The following PKHD1 variants were observed in gnomAD, a reference collection of about 807,000 sequenced individuals.
PKHD1 encodes the protein fibrocystin.
PKHD1 carries 291 observed loss-of-function variants against 412.0 expected under a neutral mutation model. That is an observed-to-expected ratio of 0.71 (90% CI 0.64 to 0.78). PKHD1 has a LOEUF of 0.78. Among genes scored for constraint, PKHD1 ranks in the 30% least tolerant of loss-of-function variants. The pLI is 0.00. For missense variants in PKHD1, 4,825 were observed against 4,950.7 expected (o/e 0.97, Z 0.76); for synonymous variants, 1,777 against 1,821.5 (o/e 0.98, Z 0.62).
At chr6:52,058,699 T>C (rs1808188179) in intron 15 of PKHD1, 98 bp from the exon 16 acceptor site, 3 of 1,273,128 alleles carry the variant, frequency 2.4e-6, no homozygotes, top group Admixed American at 1.7e-5. Flanking sequence ...CAAGAGAGTT[T>C]TGAACTGGTC....
chr6:51,895,924 C>T (rs574427706), intron 43 of PKHD1, among the ~76,000 whole-genome samples: 2 of 152,014 alleles, frequency 1.3e-5, no homozygotes, highest in Non-Finnish European at 2.9e-5. Context: ...CCTGGAAAAT[C>T]GGGTCACTCC....
chr6:51,838,989 C>G lies in PKHD1; in HGVS notation c.8108-2520G>C, dbSNP rs140677678. Among the ~76,000 whole-genome samples the G allele has an allele frequency of 2.5e-3, 376 of 152,306 alleles. 1 individual carries two copies. The highest frequency in any genetic ancestry group is 8.6e-3 in the African/African-American group (356 of 41,582). On this transcript the variant is annotated intron_variant, in intron 50 of 66. Transcript: ENST00000371117. Reference sequence around the variant, plus strand: ...ATCAATACTGTCATTATGGCATGTTCATGATTCCAGGTGCCAGTCAACAAG... The same window carrying G: ...ATCAATACTGTCATTATGGCATGTTGATGATTCCAGGTGCCAGTCAACAAG...
intron 55 of PKHD1, among the ~76,000 whole-genome samples, chr6:51,772,347 TATCTTA>T (rs1790286800): frequency 6.6e-6 from 1 of 152,012 alleles, no homozygotes; most frequent in Non-Finnish European, 1.5e-5. Context: ...TTTCTGTCTA[TATCTTA>T]ATGAGGTACC....
At chr6:51,670,436 T>G (rs1214653930) in intron 60 of PKHD1, among the ~76,000 whole-genome samples, 3 of 151,690 alleles carry the variant, frequency 2.0e-5, no homozygotes, top group African/African-American at 7.3e-5. Flanking sequence ...TGAGCCTATG[T>G]GTGTCTCTGC....
At chr6:51,952,816 C>A (rs1790552785) in intron 36 of PKHD1, among the ~76,000 whole-genome samples, 1 of 152,104 alleles carries the variant, frequency 6.6e-6, no homozygotes, top group East Asian at 1.9e-4. Context: ...ATGGCACAGA[C>A]CAGCCCCTTA....
At chr6:51,860,444 TTGCCCTAAATAGCCACCAATTTCCCCA>T (rs1399473138) in intron 48 of PKHD1, among the ~76,000 whole-genome samples, 1 of 152,208 alleles carries the variant, frequency 6.6e-6, no homozygotes, top group South Asian at 2.1e-4. Context: ...CAATTTTCAC[TTGCCCTAAATAGCCACCAATTTCCCCA>T]TGCCCTAAAT....
intron 52 of PKHD1, among the ~76,000 whole-genome samples, chr6:51,827,830 T>A (rs6903662): frequency 6.6e-6 from 1 of 151,602 alleles, no homozygotes; most frequent in Non-Finnish European, 1.5e-5. Context: ...AAATATTTGC[T>A]AAACTGAACT....
chr6:52,027,616 T>G (rs560688874), intron 31 of PKHD1, among the ~76,000 whole-genome samples: 1 of 151,554 alleles, frequency 6.6e-6, no homozygotes, highest in South Asian at 2.1e-4. Context: ...CACATCTCCT[T>G]GTCATAAAAA....
At chr6:51,881,863 G>A (rs1196469409) in intron 46 of PKHD1, among the ~76,000 whole-genome samples, 10 of 152,142 alleles carry the variant, frequency 6.6e-5, no homozygotes, top group Non-Finnish European at 1.5e-4. Flanking sequence ...TCCACCAGGG[G>A]ACTCTTGTCC....
intron 60 of PKHD1, among the ~76,000 whole-genome samples, chr6:51,668,866 T>A (rs145404604): frequency 0.041 from 6,266 of 152,302 alleles, 450 homozygotes; most frequent in African/African-American, 0.14. Context: ...TTGCATATAT[T>A]GAACCAGCCT....
chr6:51,955,050 A>C (rs1241895829), intron 36 of PKHD1, among the ~76,000 whole-genome samples: 2 of 152,108 alleles, frequency 1.3e-5, no homozygotes, highest in African/African-American at 2.4e-5. Context: ...TTAATTCAGC[A>C]ATGCCTATGG....
intron 52 of PKHD1, among the ~76,000 whole-genome samples, chr6:51,827,461 C>T (rs1465695039): frequency 6.6e-6 from 1 of 152,068 alleles, no homozygotes; most frequent in East Asian, 1.9e-4. Flanking sequence ...CAATGTCACA[C>T]CGTTGTAAAT....
intron 27 of PKHD1, among the ~76,000 whole-genome samples, chr6:52,041,448 C>G (rs1482362225): frequency 6.6e-6 from 1 of 152,174 alleles, no homozygotes; most frequent in East Asian, 1.9e-4. Flanking sequence ...TTCAGCACCT[C>G]ACACAGGGCT....
intron 52 of PKHD1, among the ~76,000 whole-genome samples, chr6:51,799,832 G>T (rs1762633163): frequency 1.3e-5 from 2 of 152,122 alleles, no homozygotes; most frequent in African/African-American, 4.8e-5. Context: ...ATATTTCAGA[G>T]CAATCACTCA....
At chr6:51,701,804 A>T (rs185829324) in intron 60 of PKHD1, among the ~76,000 whole-genome samples, 6 of 152,118 alleles carry the variant, frequency 3.9e-5, no homozygotes, top group Admixed American at 3.3e-4. Context: ...ATAGTGCAGA[A>T]GTCAGCAAAA....
At chr6:51,939,704 A>G (rs1788162294) in intron 36 of PKHD1, among the ~76,000 whole-genome samples, 1 of 151,288 alleles carries the variant, frequency 6.6e-6, no homozygotes, top group South Asian at 2.1e-4. Flanking sequence ...AATGCGACTC[A>G]TCCCAAATCC....
intron 54 of PKHD1, among the ~76,000 whole-genome samples, chr6:51,773,808 C>T (rs1260251777): frequency 6.6e-6 from 1 of 150,428 alleles, no homozygotes; most frequent in Non-Finnish European, 1.5e-5. Context: ...AAAAATAATC[C>T]CAATTAATTA....
chr6:52,057,104 T>C (rs1807879221), intron 16 of PKHD1, 125 bp from the exon 17 acceptor site: 7 of 724,972 alleles, frequency 9.7e-6, no homozygotes, highest in South Asian at 1.5e-5. Flanking sequence ...AACTTTTCAA[T>C]GCTTTAACAT....
rs566353504 is a variant in PKHD1, at chr6:52,084,984, T to A, written c.-51A>T. Reference sequence around the variant, plus strand: ...AAGATTGCTCAGACATTAAAAGCATTTTCAGTTTTGATTGGAGCAGCATAG... The same window carrying A: ...AAGATTGCTCAGACATTAAAAGCATATTCAGTTTTGATTGGAGCAGCATAG... On this transcript the variant is annotated 5_prime_UTR_variant, in exon 2 of 67. Coordinates refer to ENST00000371117, the MANE Select transcript of PKHD1 (RefSeq NM_138694.4). 1.1e-5 allele frequency: 14 copies of A among 1,278,986 alleles called. No individual in the cohort carries two copies. In the South Asian group the frequency reaches 1.5e-4, roughly 14 times the overall value. The allele number at this position is 1,278,986 out of a possible 1,614,324, so 79.2% of individuals were successfully genotyped here.
Sources: gnomAD v4.1 joint callset for allele counts (sites outside exome capture counted in the v4.1 genomes callset) on GRCh38, gnomAD v4.1.1 for gene constraint, MANE v1.5 for transcripts, NCBI Gene and HGNC (gene_info 2026-07-23, HGNC 2026-07-21) for gene names.